Variants in SBK1 observed in about 807,000 individuals in gnomAD.
SBK1 encodes SH3 domain binding kinase 1.
A neutral mutation model predicts 24.4 loss-of-function variants in SBK1; 11 were observed. The ratio of observed to expected loss-of-function variants is 0.45; its 90% confidence interval spans 0.28 to 0.75. The LOEUF (loss-of-function observed/expected upper bound fraction) is 0.75. SBK1 is among the 30% of genes least tolerant of loss of function. SBK1 has a pLI of 0.12. For synonymous variants in SBK1, 308 were observed against 284.4 expected, an observed-to-expected ratio of 1.08 and a Z score of -0.83; for missense variants, 467 against 620.5, an observed-to-expected ratio of 0.75 and a Z score of 2.63.
intron 1 of SBK1, among the ~76,000 whole-genome samples, chr16:28,307,538 G>C (rs1348467116): frequency 1.3e-5 from 2 of 152,142 alleles, no homozygotes; most frequent in Non-Finnish European, 2.9e-5. Context: ...TCAGGAGTTA[G>C]AGACCAGCCT....
At chr16:28,283,433 G>A (rs1007212594) in intron 1 of SBK1, among the ~76,000 whole-genome samples, 6 of 152,120 alleles carry the variant, frequency 3.9e-5, no homozygotes, top group Non-Finnish European at 7.3e-5. Context: ...TGCTGTGTTG[G>A]CCTCCTCCTC....
intron 1 of SBK1, among the ~76,000 whole-genome samples, chr16:28,272,779 G>A (rs1434808679): frequency 2.0e-5 from 3 of 151,554 alleles, no homozygotes; most frequent in Admixed American, 6.6e-5. Context: ...GCCCCACCAC[G>A]CCTGGCTAAT....
intron 1 of SBK1, among the ~76,000 whole-genome samples, chr16:28,263,067 A>G (rs933295123): frequency 9.9e-5 from 15 of 152,202 alleles, no homozygotes; most frequent in African/African-American, 2.9e-4. Context: ...GGCCTCCTTT[A>G]CTTCTGCCCA....
At chr16:28,277,336 C>CAGAG (rs140713501) in intron 1 of SBK1, among the ~76,000 whole-genome samples, 2 of 148,070 alleles carry the variant, frequency 1.4e-5, no homozygotes, top group African/African-American at 5.0e-5. Context: ...AACATAGAGA[C>CAGAG]AGAGAGAGAG....
At chr16:28,307,540 G>A (rs1266169166) in intron 1 of SBK1, among the ~76,000 whole-genome samples, 2 of 152,124 alleles carry the variant, frequency 1.3e-5, no homozygotes, top group African/African-American at 2.4e-5. Flanking sequence ...AGGAGTTAGA[G>A]ACCAGCCTGG....
chr16:28,307,086 G>T (rs2044721587), intron 1 of SBK1, among the ~76,000 whole-genome samples: 1 of 152,162 alleles, frequency 6.6e-6, no homozygotes, highest in African/African-American at 2.4e-5. Context: ...CAGTACAGAT[G>T]GGGGTGGCTG....
intron 1 of SBK1, among the ~76,000 whole-genome samples, chr16:28,282,638 A>ATGAATGAATGAATGAATGAG (rs2044540558): frequency 1.3e-5 from 2 of 152,086 alleles, no homozygotes; most frequent in Admixed American, 6.6e-5. Flanking sequence ...GAATGAATGA[A>ATGAATGAATGAATGAATGAG]TGAATGAATG....
At chr16:28,309,087 C>T (rs144675665) in intron 1 of SBK1, among the ~76,000 whole-genome samples, 103 of 152,300 alleles carry the variant, frequency 6.8e-4, no homozygotes, top group African/African-American at 2.2e-3. Flanking sequence ...TGCAGACGGG[C>T]AATCCTCCAC....
chr16:28,296,564 T>C (rs992715779), intron 1 of SBK1, among the ~76,000 whole-genome samples: 2 of 152,188 alleles, frequency 1.3e-5, no homozygotes, highest in Non-Finnish European at 2.9e-5. Flanking sequence ...AACCTTCGTC[T>C]GTGTGTGTTC....
At chr16:28,281,789 G>A (rs774223655) in intron 1 of SBK1, among the ~76,000 whole-genome samples, 56 of 152,156 alleles carry the variant, frequency 3.7e-4, no homozygotes, top group Admixed American at 9.8e-4. Flanking sequence ...AAGTGGGTGG[G>A]CATGAACAGA....
At chr16:28,310,355 C>T (rs2044745904) in intron 1 of SBK1, among the ~76,000 whole-genome samples, 1 of 152,204 alleles carries the variant, frequency 6.6e-6, no homozygotes, top group African/African-American at 2.4e-5. Context: ...GCAGGGACGA[C>T]CAATGACGAA....
At chr16:28,270,863 A>G (rs866652786) in intron 1 of SBK1, among the ~76,000 whole-genome samples, 1 of 128,720 alleles carries the variant, frequency 7.8e-6, no homozygotes, top group African/African-American at 3.5e-5. Context: ...TTATTTATTT[A>G]TTTATTTATT....
rs1021505330 is a variant in SBK1 at position 28,317,036 on chromosome 16, G to A, written c.-7-349G>A. On this transcript the variant is annotated intron_variant, in intron 1 of 3. Transcript: ENST00000341901. This position sits in a 1 kb window ranked among gnomAD's most constrained non-coding sequence, Gnocchi z 4.2. ...TCTCTACAATCCAAATAAAACCAAC[G>A]CTTCTGAATGGGAGTACCCGTGTGA... Among the ~76,000 whole-genome samples the A allele has an allele frequency of 2.0e-5, 3 of 152,166 alleles. No homozygotes were observed. Among genetic ancestry groups the A allele is most frequent in the East Asian group, 3.9e-4 (2 of 5,194 alleles).
At chr16:28,269,361 C>A (rs1021262309) in intron 1 of SBK1, among the ~76,000 whole-genome samples, 1 of 151,698 alleles carries the variant, frequency 6.6e-6, no homozygotes, top group African/African-American at 2.4e-5. Flanking sequence ...AAAGGAGAAC[C>A]AAGCAGCCAC....
intron 1 of SBK1, among the ~76,000 whole-genome samples, chr16:28,282,910 TA>T (rs2044542031): frequency 3.8e-5 from 1 of 26,530 alleles, no homozygotes; most frequent in Non-Finnish European, 9.7e-5. Context: ...CTCGCATTTT[TA>T]TTTATTTATT....
At chr16:28,318,423 T>C (rs114567341) in intron 2 of SBK1, among the ~76,000 whole-genome samples, 1 of 152,342 alleles carries the variant, frequency 6.6e-6, no homozygotes, top group African/African-American at 2.4e-5. Context: ...TCAGAGTCCT[T>C]CTCTGTAAAA....
At chr16:28,264,012 C>T (rs2044413027) in intron 1 of SBK1, among the ~76,000 whole-genome samples, 2 of 151,940 alleles carry the variant, frequency 1.3e-5, no homozygotes, top group Admixed American at 6.6e-5. Context: ...GCCTGTAGTC[C>T]CAGCTACTCA....
chr16:28,262,841 C>G (rs1206699254), intron 1 of SBK1, among the ~76,000 whole-genome samples: 3 of 152,264 alleles, frequency 2.0e-5, no homozygotes, highest in Middle Eastern at 3.4e-3. Context: ...TGGCTTAACA[C>G]AGAAGAGCCT....
chr16:28,292,503 G>A (rs1306762141), upstream of SBK1: 3 of 977,076 alleles, frequency 3.1e-6, no homozygotes, highest in East Asian at 2.3e-4. Flanking sequence ...GCAGGTGCGC[G>A]CTGGCTGGAG....
Sources: allele counts gnomAD v4.1 joint callset (sites outside exome capture counted in the v4.1 genomes callset), GRCh38; gene constraint gnomAD v4.1.1; non-coding constraint Gnocchi (gnomAD v3.1); transcripts MANE v1.5; gene names NCBI Gene and HGNC (gene_info 2026-07-23, HGNC 2026-07-21).